The following NEBL variants were observed in gnomAD, a reference collection of about 807,000 sequenced individuals.
NEBL encodes LIM and SH3 protein 2.
Under a neutral mutation model 140.2 loss-of-function variants are expected in NEBL, and 122 were observed. The observed-to-expected ratio is 0.87, with a 90% confidence interval of 0.75 to 1.01. The LOEUF (loss-of-function observed/expected upper bound fraction) is 1.01, where lower values mean the gene tolerates loss of function less well. NEBL is among the 50% of genes least tolerant of loss of function. NEBL has a pLI of 0.00. For synonymous variants in NEBL, 436 were observed against 398.9 expected, an observed-to-expected ratio of 1.09 and a Z score of -1.11; for missense variants, 1,365 against 1,231.3, an observed-to-expected ratio of 1.11 and a Z score of -1.62.
chr10:21,059,169 G>A (rs7911561), intron 2 of NEBL, among the ~76,000 whole-genome samples: 2 of 151,946 alleles, frequency 1.3e-5, no homozygotes, highest in African/African-American at 4.8e-5. Context: ...CACTTGTTCA[G>A]CCTAAGCACC....
intron 19 of NEBL, among the ~76,000 whole-genome samples, chr10:20,819,836 C>T (rs189937673): frequency 1.1e-3 from 161 of 152,114 alleles, no homozygotes; most frequent in African/African-American, 3.6e-3. Flanking sequence ...GCGATCCTCC[C>T]GACTCGGCCT....
In NEBL at chr10:20,781,530, A is replaced by G. The variant is rs1294836091; in HGVS notation, c.*4217T>C. The G allele has an allele frequency of 6.6e-6, 1 of 152,192 alleles. No homozygotes were observed. Among genetic ancestry groups the G allele is most frequent in the Non-Finnish European group, 1.5e-5 (1 of 68,036 alleles). The allele number at this position is 152,192 out of a possible 1,614,324, so 9.4% of individuals were successfully genotyped here. On this transcript the variant is annotated 3_prime_UTR_variant, in exon 28 of 28. Transcript: ENST00000377122. Reference sequence around the variant, plus strand: ...TTTCCTTTAAAGTACATCATTCTTAACAGCAACTGGATTACAAAGAAGTGA... The same window carrying G: ...TTTCCTTTAAAGTACATCATTCTTAGCAGCAACTGGATTACAAAGAAGTGA...
chr10:21,159,830 C>G (rs567513031), intron 2 of NEBL, among the ~76,000 whole-genome samples: 1 of 152,324 alleles, frequency 6.6e-6, no homozygotes, highest in East Asian at 1.9e-4. Context: ...AGCCTGTCCC[C>G]ATCCCACGTT....
At chr10:21,036,212 G>A (rs558940279) in intron 2 of NEBL, among the ~76,000 whole-genome samples, 1 of 152,092 alleles carries the variant, frequency 6.6e-6, no homozygotes, top group Non-Finnish European at 1.5e-5. Context: ...TAAAATCACA[G>A]CATTTTGGGA....
Position 20,978,970 on chromosome 10 carries a change from T to A in NEBL, c.250-17191A>T, listed in dbSNP as rs1249220018. Among the ~76,000 whole-genome samples the A allele has an allele frequency of 6.6e-5, 10 of 152,136 alleles. No individual in the cohort carries two copies. In the East Asian group the frequency reaches 1.9e-3, roughly 29 times the overall value. On this transcript the variant is annotated intron_variant, in intron 3 of 6. Transcript: ENST00000417816. ...GACAGCATACAGTCATATTACGGCA[T>A]CTTAGGCATCAGTTAAAATTAAGTA...
intron 3 of NEBL, among the ~76,000 whole-genome samples, chr10:21,183,256 C>G (rs933692497): frequency 6.6e-6 from 1 of 151,732 alleles, no homozygotes; most frequent in East Asian, 1.9e-4. Context: ...GAGAGAGAGA[C>G]AAGAAGAGGG....
At chr10:20,851,465 C>T (rs1197327619) in intron 10 of NEBL, among the ~76,000 whole-genome samples, 1 of 151,848 alleles carries the variant, frequency 6.6e-6, no homozygotes, top group Non-Finnish European at 1.5e-5. Flanking sequence ...TATAATAACA[C>T]ACAACACTAG....
At chr10:21,280,181 C>A (rs963068447) in intron 1 of NEBL, among the ~76,000 whole-genome samples, 2 of 152,022 alleles carry the variant, frequency 1.3e-5, no homozygotes, top group East Asian at 3.9e-4. Context: ...CCCGTGATGC[C>A]CCTATAGCAA....
At chr10:20,913,282 G>T (rs1589000806) in intron 4 of NEBL, among the ~76,000 whole-genome samples, 1 of 152,122 alleles carries the variant, frequency 6.6e-6, no homozygotes, top group African/African-American at 2.4e-5. Context: ...CTGAAGAAAA[G>T]CAATTATTCA....
At chr10:21,276,697 G>A (rs777433134) in intron 1 of NEBL, among the ~76,000 whole-genome samples, 26 of 152,084 alleles carry the variant, frequency 1.7e-4, no homozygotes, top group Non-Finnish European at 3.1e-4. Context: ...GGCCAGGAGT[G>A]ATGACTCATG....
chr10:21,282,132 G>A (rs1376022762), intron 1 of NEBL, among the ~76,000 whole-genome samples: 3 of 152,140 alleles, frequency 2.0e-5, no homozygotes, highest in Non-Finnish European at 4.4e-5. Flanking sequence ...AAGACAGTTA[G>A]CCAAAGAGAT....
intron 3 of NEBL, among the ~76,000 whole-genome samples, chr10:21,205,728 G>C (rs901142662): frequency 2.0e-5 from 3 of 151,882 alleles, no homozygotes; most frequent in Non-Finnish European, 4.4e-5. Flanking sequence ...CTTATATTTA[G>C]GTATATTTAT....
Position 20,852,593 on chromosome 10 carries a change from A to G in NEBL, c.960T>C (p.Asp320=), listed in dbSNP as rs1282627140. 3.1e-6 allele frequency: 5 copies of G among 1,613,856 alleles called. No individual in the cohort carries two copies. Among genetic ancestry groups the G allele is most frequent in the Non-Finnish European group, 4.2e-6 (5 of 1,180,006 alleles). Residue 320 remains aspartate (D), a synonymous_variant, in exon 10 of 28, where the codon GAT becomes GAC. Transcript: ENST00000377122. ...ENKGMYHFDA[D]AVEHLHHKGN... ...CTTTATGGTGCAGATGTTCCACAGC[A>G]TCTGCATCAAAATGATACATTCCTT...
intron 2 of NEBL, among the ~76,000 whole-genome samples, chr10:21,138,063 C>T (rs1168344636): frequency 6.6e-6 from 1 of 152,074 alleles, no homozygotes; most frequent in African/African-American, 2.4e-5. Context: ...GTGGTCAACT[C>T]CTCCTTGCCA....
At chr10:21,067,036 G>A (rs1046016985) in intron 2 of NEBL, among the ~76,000 whole-genome samples, 6 of 144,180 alleles carry the variant, frequency 4.2e-5, no homozygotes, top group South Asian at 4.4e-4. Context: ...GCAGTGGCGC[G>A]ATCTCCACTC....
intron 4 of NEBL, among the ~76,000 whole-genome samples, chr10:20,943,996 G>A (rs1433592616): frequency 1.3e-5 from 2 of 152,196 alleles, no homozygotes; most frequent in African/African-American, 4.8e-5. Context: ...TGAACAAGAG[G>A]CGGTTAAGTT....
At chr10:21,068,480 G>T (rs1835666643) in intron 2 of NEBL, among the ~76,000 whole-genome samples, 1 of 152,182 alleles carries the variant, frequency 6.6e-6, no homozygotes, top group Admixed American at 6.5e-5. Flanking sequence ...CAAACTATGG[G>T]GGGAGGAACA....
intron 3 of NEBL, among the ~76,000 whole-genome samples, chr10:21,220,687 A>T (rs1186668161): frequency 6.6e-6 from 1 of 152,244 alleles, no homozygotes; most frequent in Admixed American, 6.5e-5. Flanking sequence ...ACAGCAAAGG[A>T]AACAATCAAC....
At chr10:20,885,999 G>T (rs1846484285) in intron 4 of NEBL, among the ~76,000 whole-genome samples, 1 of 152,124 alleles carries the variant, frequency 6.6e-6, no homozygotes, top group Non-Finnish European at 1.5e-5. Context: ...GTTCTGCAAA[G>T]AATAACTATG....
Sources: gnomAD v4.1 joint callset for allele counts (sites outside exome capture counted in the v4.1 genomes callset) on GRCh38, gnomAD v4.1.1 for gene constraint, MANE v1.5 for transcripts, NCBI Gene and HGNC (gene_info 2026-07-23, HGNC 2026-07-21) for gene names.